Variants in STK32B observed in about 807,000 individuals in gnomAD.
STK32B encodes the protein serine/threonine kinase 32B, also known as serine/threonine-protein kinase 32B.
A neutral mutation model predicts 52.6 loss-of-function variants in STK32B; 43 were observed. That is an observed-to-expected ratio of 0.82 (90% CI 0.64 to 1.05). The LOEUF is 1.05. STK32B is among the 50% of genes least tolerant of loss of function. The pLI is 0.00. For missense variants in STK32B, 621 were observed against 534.6 expected (o/e 1.16, Z -1.59); for synonymous variants, 238 against 204.3 (o/e 1.17, Z -1.41).
Position 5,234,337 on chromosome 4 carries a change from C to T in STK32B, c.260+65887C>T, listed in dbSNP as rs72613185. On this transcript the variant is annotated intron_variant, in intron 3 of 11. Transcript: ENST00000282908. Reference sequence around the variant, plus strand: ...GCTATTGTATACCAAGTGCACGTTGCACCTTGCCTGGCACGTAGGAAAAGT... The same window carrying T: ...GCTATTGTATACCAAGTGCACGTTGTACCTTGCCTGGCACGTAGGAAAAGT... Among the ~76,000 whole-genome samples the T allele has an allele frequency of 6.4e-3, 972 of 152,290 alleles. 16 individuals carry two copies. In the East Asian group the frequency reaches 0.076, roughly 12 times the overall value.
chr4:5,141,088 A>G (rs985225060), intron 2 of STK32B, among the ~76,000 whole-genome samples: 2 of 152,212 alleles, frequency 1.3e-5, no homozygotes, highest in African/African-American at 4.8e-5. Context: ...GGATATTTAA[A>G]TTTGAATTAA....
chr4:5,254,727 G>A (rs1172620948), intron 3 of STK32B, among the ~76,000 whole-genome samples: 1 of 152,048 alleles, frequency 6.6e-6, no homozygotes, highest in African/African-American at 2.4e-5. Flanking sequence ...AACATAAACT[G>A]TACAGTTATA....
chr4:5,181,017 A>G lies in STK32B; in HGVS notation c.260+12567A>G, dbSNP rs200112324. Among the ~76,000 whole-genome samples the G allele has an allele frequency of 3.9e-5, 6 of 151,922 alleles. No individual in the cohort carries two copies. The East Asian group carries it at 5.8e-4, about 15-fold the overall frequency. ...AGAGTGAGGGTGTCCCATGAGTGGG[A>G]GCCCTGGTGGGATGGGTGTGGGAGA... On this transcript the variant is annotated intron_variant, in intron 3 of 11. Transcript: ENST00000282908.
intron 6 of STK32B, among the ~76,000 whole-genome samples, chr4:5,429,575 T>G (rs1713390856): frequency 6.6e-6 from 1 of 151,992 alleles, no homozygotes; most frequent in African/African-American, 2.4e-5. Context: ...GTCATTGAAT[T>G]TATTTTTGCT....
chr4:5,370,247 G>C (rs899931023), intron 4 of STK32B, among the ~76,000 whole-genome samples: 5 of 152,214 alleles, frequency 3.3e-5, no homozygotes, highest in African/African-American at 1.2e-4. Flanking sequence ...TCACCAGGCT[G>C]CAAGCTCCTT....
chr4:5,141,821 C>T (rs1031836050), intron 2 of STK32B, among the ~76,000 whole-genome samples: 8 of 152,146 alleles, frequency 5.3e-5, no homozygotes, highest in African/African-American at 1.4e-4. Context: ...CCCACCCCCT[C>T]CACCTTCCTC....
intron 5 of STK32B, among the ~76,000 whole-genome samples, chr4:5,415,168 A>G (rs1170469589): frequency 2.0e-5 from 3 of 152,220 alleles, no homozygotes; most frequent in Non-Finnish European, 4.4e-5. Flanking sequence ...ACTCCTCGGC[A>G]GGATAATAAT....
chr4:5,417,878 C>T (rs1712292245), intron 6 of STK32B, among the ~76,000 whole-genome samples: 1 of 152,214 alleles, frequency 6.6e-6, no homozygotes, highest in South Asian at 2.1e-4. Flanking sequence ...GGTAGGTCAG[C>T]TGGGAGCTAG....
At chr4:5,443,639 G>T (rs1405539832) in intron 6 of STK32B, among the ~76,000 whole-genome samples, 1 of 152,156 alleles carries the variant, frequency 6.6e-6, no homozygotes, top group Non-Finnish European at 1.5e-5. Context: ...TTCCGTTGCT[G>T]GTGAGGAACT....
rs906316464 is a variant in STK32B at position 5,456,899 on chromosome 4, G to A, written c.759G>A (p.Lys253=). Residue 253 remains lysine (K), a synonymous_variant, in exon 8 of 12, where the codon AAG becomes AAA. Transcript: ENST00000282908. ...ERVHYSSTWC[K]GMVALLRKLL... Reference sequence around the variant, plus strand: ...TCCACTACTCCTCCACGTGGTGCAAGGGGATGGTGGCCCTGCTGAGGAAGG... The same window carrying A: ...TCCACTACTCCTCCACGTGGTGCAAAGGGATGGTGGCCCTGCTGAGGAAGG... The A allele has an allele frequency of 1.3e-6, 2 of 1,579,100 alleles. No homozygotes were observed. The highest frequency in any genetic ancestry group is 1.7e-6 in the Non-Finnish European group (2 of 1,160,964).
At chr4:5,157,514 T>A (rs80233490) in intron 2 of STK32B, among the ~76,000 whole-genome samples, 5,273 of 152,040 alleles carry the variant, frequency 0.035, 152 homozygotes, top group East Asian at 0.085. Context: ...GAGGAGAAAT[T>A]TGAGCTAAGA....
chr4:5,051,880 C>T lies in STK32B; in HGVS notation c.17C>T (p.Ser6Phe). ...CGGCGGAATATGGGCGGGAACCACT[C>T]CCACAAGCCCCCCGTGTTTGACGAG... is the stretch of plus-strand genomic sequence containing the variant. MGGNH[S>F]HKPPVFDENE... is the part of the protein sequence containing the mutation. Residue 6 changes from serine to phenylalanine, a missense_variant, in exon 1 of 12, where the codon TCC (serine) becomes TTC (phenylalanine). Physicochemically the swap from Ser to Phe is radical, Grantham distance 155 (BLOSUM62 -2). Transcript: ENST00000282908. The T allele has an allele frequency of 6.3e-7, 1 of 1,599,990 alleles. No homozygotes were observed. Among genetic ancestry groups the T allele is most frequent in the Non-Finnish European group, 8.5e-7 (1 of 1,173,776 alleles).
chr4:5,194,317 C>T (rs1314716139), intron 3 of STK32B, among the ~76,000 whole-genome samples: 1 of 152,170 alleles, frequency 6.6e-6, no homozygotes. Flanking sequence ...GATATTTGTA[C>T]TTGGTCCATA....
chr4:5,447,635 C>G (rs1031770746), intron 7 of STK32B, among the ~76,000 whole-genome samples: 2 of 152,118 alleles, frequency 1.3e-5, no homozygotes, highest in Non-Finnish European at 2.9e-5. Context: ...GGCCCTGTCT[C>G]AGAAAAAGAA....
At chr4:5,362,706 C>G (rs548561470) in intron 4 of STK32B, among the ~76,000 whole-genome samples, 1 of 152,164 alleles carries the variant, frequency 6.6e-6, no homozygotes, top group African/African-American at 2.4e-5. Flanking sequence ...GGAAGAGATG[C>G]ATTTCTTCCA....
chr4:5,479,740 C>G (rs1409825955), intron 11 of STK32B, among the ~76,000 whole-genome samples: 1 of 152,130 alleles, frequency 6.6e-6, no homozygotes, highest in African/African-American at 2.4e-5. Flanking sequence ...TTGCTTTTTT[C>G]TCTTTCAATA....
intron 3 of STK32B, among the ~76,000 whole-genome samples, chr4:5,287,957 A>G (rs1327785562): frequency 6.6e-6 from 1 of 152,060 alleles, no homozygotes; most frequent in Non-Finnish European, 1.5e-5. Flanking sequence ...CCACTAACCT[A>G]CTGTTTGTTT....
At chr4:5,243,641 A>G (rs1725209174) in intron 3 of STK32B, among the ~76,000 whole-genome samples, 1 of 152,196 alleles carries the variant, frequency 6.6e-6, no homozygotes, top group Non-Finnish European at 1.5e-5. Flanking sequence ...GAGAGAGGGT[A>G]TCCCTGTCTT....
At chr4:5,425,811 C>T (rs1029470157) in intron 6 of STK32B, among the ~76,000 whole-genome samples, 1 of 152,182 alleles carries the variant, frequency 6.6e-6, no homozygotes, top group African/African-American at 2.4e-5. Flanking sequence ...TCCCTGGCAA[C>T]CAGCAATTGA....
Sources: allele counts gnomAD v4.1 joint callset (sites outside exome capture counted in the v4.1 genomes callset), GRCh38; gene constraint gnomAD v4.1.1; transcripts MANE v1.5; gene names NCBI Gene and HGNC (gene_info 2026-07-23, HGNC 2026-07-21).